Variants in EML4 observed in about 807,000 individuals in gnomAD.
EML4 encodes echinoderm microtubule-associated protein-like 4.
In EML4, 72 loss-of-function variants were observed where a neutral mutation model predicts 129.0. The observed-to-expected ratio is 0.56, with a 90% CI of 0.46 to 0.68. The LOEUF (loss-of-function observed/expected upper bound fraction) is 0.68. Among genes scored for constraint, EML4 ranks in the 30% least tolerant of loss-of-function variants. The pLI is 0.00. For synonymous variants in EML4, 532 were observed against 405.0 expected (o/e 1.31, Z -3.77); for missense variants, 1,363 against 1,190.6 (o/e 1.14, Z -2.13).
At chr2:42,187,893 C>T (rs932172392) in intron 1 of EML4, among the ~76,000 whole-genome samples, 14 of 152,024 alleles carry the variant, frequency 9.2e-5, no homozygotes, top group African/African-American at 3.4e-4. Flanking sequence ...GTAGTTTATA[C>T]TTTTTGTGTC....
chr2:42,194,872 A>G (rs181855042), intron 1 of EML4, among the ~76,000 whole-genome samples: 10 of 152,186 alleles, frequency 6.6e-5, no homozygotes, highest in East Asian at 1.9e-4. Context: ...TTTTAGGTCT[A>G]TGTTCTACCT....
intron 21 of EML4, among the ~76,000 whole-genome samples, chr2:42,327,971 AAGAC>A (rs1216754468): frequency 6.6e-6 from 1 of 152,246 alleles, no homozygotes; most frequent in Non-Finnish European, 1.5e-5. Context: ...AAGTGCTATC[AAGAC>A]AGAGAAGCCT....
Position 42,313,080 on chromosome 2 carries a change from C to T in EML4, c.1968-2882C>T, listed in dbSNP as rs189409090. ...TCTCCTGCCTCAGCCTTCCAAGTAG[C>T]TGGGACTACAGGCGCCTGCTACCAT... On this transcript the variant is annotated intron_variant, in intron 17 of 22. Coordinates refer to ENST00000318522, the MANE Select transcript of EML4 (RefSeq NM_019063.5). Among the ~76,000 whole-genome samples the T allele has an allele frequency of 2.6e-5, 4 of 151,188 alleles. No homozygotes were observed. The East Asian group carries it at 7.8e-4, about 30-fold the overall frequency.
Position 42,328,900 on chromosome 2 carries a change from G to A in EML4, c.2356G>A (p.Gly786Arg). The A allele has an allele frequency of 6.2e-7, 1 of 1,608,372 alleles. No homozygotes were observed. Among genetic ancestry groups the A allele is most frequent in the East Asian group, 2.2e-5 (1 of 44,774 alleles). The change falls in exon 22 of 23, where the codon GGA (glycine) becomes AGA (arginine). Residue 786 changes from glycine (G) to arginine (R), a missense_variant. Gly to Arg is a moderately radical substitution (Grantham distance 125). Transcript: ENST00000318522. ...CCATATCAAAGGTGTCTGGCCAGAA[G>A]GATCTGATGGGACAGATATCAATGC... ...GFQVFGVWPEGSDGTDINALV... is the reference protein window; with the variant it reads ...GFQVFGVWPERSDGTDINALV...
intron 1 of EML4, among the ~76,000 whole-genome samples, chr2:42,193,202 TTATAGCCTAGGAGCAATAGGTTATACCG>T (rs1339995681): frequency 1.3e-5 from 2 of 152,232 alleles, no homozygotes; most frequent in African/African-American, 4.8e-5. Flanking sequence ...CTGTACAAGT[TTATAGCCTAGGAGCAATAGGTTATACCG>T]TATAGCCTAG....
chr2:42,322,664 C>CT (rs1669581769), intron 19 of EML4, among the ~76,000 whole-genome samples: 1 of 152,150 alleles, frequency 6.6e-6, no homozygotes, highest in Non-Finnish European at 1.5e-5. Flanking sequence ...GCTTAGAATA[C>CT]TTTTTTGTTT....
chr2:42,224,045 T>C (rs771768562), intron 1 of EML4, among the ~76,000 whole-genome samples: 7 of 152,156 alleles, frequency 4.6e-5, no homozygotes, highest in Admixed American at 6.5e-5. Flanking sequence ...TTGTTGTTTT[T>C]GTAACAGCTG....
chr2:42,174,614 G>C lies in EML4; in HGVS notation c.25+4978G>C, dbSNP rs540497871. Among the ~76,000 whole-genome samples the C allele has an allele frequency of 2.6e-5, 4 of 152,028 alleles. No homozygotes were observed. The South Asian group carries it at 8.3e-4, about 32-fold the overall frequency. On this transcript the variant is annotated intron_variant, in intron 1 of 22. Coordinates refer to ENST00000318522, the MANE Select transcript of EML4 (RefSeq NM_019063.5). The stretch of plus-strand genomic sequence containing the variant: ...GACCCTGTAGTATATTTGTATGTCG[G>C]TATATGATCTCTTGTCCTTTAGCTG...
chr2:42,293,560 T>C (rs1397039445), intron 11 of EML4, among the ~76,000 whole-genome samples: 1 of 152,222 alleles, frequency 6.6e-6, no homozygotes, highest in Non-Finnish European at 1.5e-5. Context: ...TTAATTAGTA[T>C]AACATAAAAT....
At chr2:42,298,467 T>C (rs190124521) in intron 13 of EML4, among the ~76,000 whole-genome samples, 20 of 152,312 alleles carry the variant, frequency 1.3e-4, no homozygotes, top group African/African-American at 4.8e-4. Flanking sequence ...AACTGAAATA[T>C]CAGAAATACA....
At chr2:42,204,513 C>T (rs962636347) in intron 1 of EML4, among the ~76,000 whole-genome samples, 11 of 152,084 alleles carry the variant, frequency 7.2e-5, no homozygotes, top group African/African-American at 2.7e-4. Context: ...AAGAATGTGC[C>T]GGGGCTATGT....
chr2:42,268,554 A>T lies in EML4; in HGVS notation c.667+3823A>T, dbSNP rs560567892. ...CGAGCTTGAGTGACCCTCCTGCCTCAGCCTTCCAAGTAGCTGAGACTACAG... is the reference window on the plus strand; with the variant it reads ...CGAGCTTGAGTGACCCTCCTGCCTCTGCCTTCCAAGTAGCTGAGACTACAG... On this transcript the variant is annotated intron_variant, in intron 6 of 22. Coordinates refer to ENST00000318522, the MANE Select transcript of EML4 (RefSeq NM_019063.5). Among the ~76,000 whole-genome samples, 29 of 152,252 alleles carry T rather than the reference A, an allele frequency of 1.9e-4. No homozygotes were observed. In the East Asian group the frequency reaches 3.5e-3, roughly 18 times the overall value.
rs149004319 is a variant in EML4 at position 42,174,303 on chromosome 2, G to C, written c.25+4667G>C. On this transcript the variant is annotated intron_variant, in intron 1 of 22. Coordinates refer to ENST00000318522, the MANE Select transcript of EML4 (RefSeq NM_019063.5). ...ATCTATAGTATATTTCTTTGTGTGT[G>C]TGTGTCTGACGGAGTCTTGCTCTGT... 2.9e-3 allele frequency among the ~76,000 whole-genome samples: 440 copies of C among 152,158 alleles called. 2 individuals carry two copies. Among genetic ancestry groups the C allele is most frequent in the African/African-American group, 0.01 (418 of 41,504 alleles).
intron 2 of EML4, among the ~76,000 whole-genome samples, chr2:42,255,185 C>T (rs1035749276): frequency 6.6e-6 from 1 of 152,096 alleles, no homozygotes; most frequent in South Asian, 2.1e-4. Flanking sequence ...TCCCAAGTTC[C>T]TGCCATTCTC....
chr2:42,201,575 A>G (rs531567723), intron 1 of EML4, among the ~76,000 whole-genome samples: 1 of 152,338 alleles, frequency 6.6e-6, no homozygotes, highest in South Asian at 2.1e-4. Flanking sequence ...CATTTTTCAC[A>G]ATAGCAAGGA....
intron 1 of EML4, 131 bp downstream of exon 1, chr2:42,169,767 G>C (rs761206977): frequency 8.7e-6 from 9 of 1,035,932 alleles, no homozygotes; most frequent in African/African-American, 1.7e-5. Flanking sequence ...TGTTCCCTTC[G>C]AGGCTGCCGC....
chr2:42,311,656 C>T (rs796910189), intron 17 of EML4, among the ~76,000 whole-genome samples: 25 of 152,230 alleles, frequency 1.6e-4, no homozygotes, highest in African/African-American at 5.8e-4. Flanking sequence ...TTTGGTGTGT[C>T]AGTTCAGTCT....
chr2:42,185,448 C>A (rs1052661779), intron 1 of EML4, among the ~76,000 whole-genome samples: 1 of 152,132 alleles, frequency 6.6e-6, no homozygotes, highest in Non-Finnish European at 1.5e-5. Context: ...TCTCTGCTGT[C>A]TGGTTTTTCA....
rs77306165 is a variant in EML4 at position 42,197,775 on chromosome 2, G to A, written c.25+28139G>A. ...ATAAATGTCAGTTAAGCCAGTAAGT[G>A]TGTCATTAGCTATTGACAAAGATTA... On this transcript the variant is annotated intron_variant, in intron 1 of 22. Coordinates refer to ENST00000318522, the MANE Select transcript of EML4 (RefSeq NM_019063.5). Among the ~76,000 whole-genome samples the A allele has an allele frequency of 8.7e-4, 132 of 152,330 alleles. 4 individuals are homozygous for A. In the East Asian group the frequency reaches 0.023, roughly 27 times the overall value.
Sources: allele counts gnomAD v4.1 joint callset (sites outside exome capture counted in the v4.1 genomes callset), GRCh38; gene constraint gnomAD v4.1.1; transcripts MANE v1.5; gene names NCBI Gene and HGNC (gene_info 2026-07-23, HGNC 2026-07-21).